Variants in SUMF1 observed in about 807,000 individuals in gnomAD.
The protein encoded by SUMF1 is formylglycine-generating enzyme.
SUMF1 carries 48 observed loss-of-function variants against 47.6 expected under a neutral mutation model. That is an observed-to-expected ratio of 1.01 (90% confidence interval 0.80 to 1.28). The LOEUF (loss-of-function observed/expected upper bound fraction) is 1.28, where lower values mean the gene tolerates loss of function less well. Among genes scored for constraint, SUMF1 ranks in the 50% most tolerant of loss-of-function variants. The pLI is 0.00. For synonymous variants in SUMF1, 230 were observed against 192.1 expected, an observed-to-expected ratio of 1.20 and a Z score of -1.63; for missense variants, 571 against 485.4, an observed-to-expected ratio of 1.18 and a Z score of -1.66.
At chr3:4,166,898 C>A (rs1354521702) in intron 8 of SUMF1, among the ~76,000 whole-genome samples, 2 of 152,128 alleles carry the variant, frequency 1.3e-5, no homozygotes, top group African/African-American at 4.8e-5. Flanking sequence ...GTTAGAGAGC[C>A]CTTTCCCAGA....
At chr3:4,065,983 G>A (rs1157898529) in intron 9 of SUMF1, among the ~76,000 whole-genome samples, 2 of 152,080 alleles carry the variant, frequency 1.3e-5, no homozygotes, top group Admixed American at 6.6e-5. Flanking sequence ...TACTGCTTCT[G>A]CCTCCCTTCC....
At chr3:4,343,496 C>T (rs896136857) in intron 8 of SUMF1, among the ~76,000 whole-genome samples, 1 of 152,118 alleles carries the variant, frequency 6.6e-6, no homozygotes, top group Non-Finnish European at 1.5e-5. Flanking sequence ...AATTAGCATA[C>T]CCCAGGGTTG....
chr3:4,278,028 G>A lies in SUMF1; in HGVS notation c.1014+98302C>T, dbSNP rs561630940. Reference sequence around the variant, plus strand: ...AACTACAAAATGAATTTCTTTTTTCGCTACAACACAAGAGAGGAGTTTGGT... The same window carrying A: ...AACTACAAAATGAATTTCTTTTTTCACTACAACACAAGAGAGGAGTTTGGT... On this transcript the variant is annotated intron_variant and NMD_transcript_variant, in intron 8 of 12. Transcript: ENST00000448413. Among the ~76,000 whole-genome samples the A allele has an allele frequency of 5.2e-4, 79 of 151,816 alleles. No homozygotes were observed. The South Asian group carries it at 0.014, about 27-fold the overall frequency.
At chr3:4,104,317 C>G (rs1693106137) in intron 8 of SUMF1, among the ~76,000 whole-genome samples, 1 of 152,064 alleles carries the variant, frequency 6.6e-6, no homozygotes, top group Admixed American at 6.6e-5. Context: ...TGAGGCCTCC[C>G]CAGTCATGTG....
At chr3:4,289,302 A>G (rs1011516732) in intron 8 of SUMF1, among the ~76,000 whole-genome samples, 2 of 152,208 alleles carry the variant, frequency 1.3e-5, no homozygotes, top group African/African-American at 4.8e-5. Context: ...GCTGACTCCA[A>G]AATAAATCCT....
rs567772018 is a variant in SUMF1 at position 4,157,786 on chromosome 3, C to T, written c.1015-89041G>A. On this transcript the variant is annotated intron_variant and NMD_transcript_variant, in intron 8 of 12. Transcript: ENST00000448413. Reference sequence around the variant, plus strand: ...ACAGACAGGCATCTATTAGTAATTACTTTTATTACAACAGACATAGGCTGT... The same window carrying T: ...ACAGACAGGCATCTATTAGTAATTATTTTTATTACAACAGACATAGGCTGT... 1.2e-3 allele frequency among the ~76,000 whole-genome samples: 175 copies of T among 151,646 alleles called. 11 individuals carry two copies. Among genetic ancestry groups the T allele is most frequent in the African/African-American group, 4.1e-3 (167 of 41,008 alleles).
chr3:4,346,766 T>C (rs921164928), intron 8 of SUMF1, among the ~76,000 whole-genome samples: 1 of 150,740 alleles, frequency 6.6e-6, no homozygotes, highest in African/African-American at 2.4e-5. Context: ...AAAAAATTAA[T>C]AGAAAGATAG....
chr3:4,270,145 C>T (rs993926184), intron 8 of SUMF1, among the ~76,000 whole-genome samples: 16 of 152,136 alleles, frequency 1.1e-4, no homozygotes, highest in South Asian at 2.1e-4. Flanking sequence ...GGGTCAGAGC[C>T]GGACTATCAG....
At chr3:4,433,135 A>T (rs886568722) in intron 3 of SUMF1, among the ~76,000 whole-genome samples, 18 of 152,182 alleles carry the variant, frequency 1.2e-4, no homozygotes, top group Non-Finnish European at 2.1e-4. Flanking sequence ...TCTACTCAAC[A>T]GTTTACCTTT....
intron 8 of SUMF1, among the ~76,000 whole-genome samples, chr3:4,223,048 A>C (rs940705914): frequency 1.1e-4 from 16 of 152,154 alleles, no homozygotes; most frequent in Non-Finnish European, 2.4e-4. Flanking sequence ...TGCTGTTTGC[A>C]TCTTGCACAA....
chr3:4,230,890 TTTTTA>T (rs1259943821), intron 8 of SUMF1, among the ~76,000 whole-genome samples: 1 of 152,086 alleles, frequency 6.6e-6, no homozygotes, highest in African/African-American at 2.4e-5. Flanking sequence ...AAACACATAT[TTTTTA>T]TTTTATCACA....
chr3:4,431,299 T>G (rs1702224875), intron 3 of SUMF1, among the ~76,000 whole-genome samples: 1 of 152,244 alleles, frequency 6.6e-6, no homozygotes. Context: ...ATCCCCATCC[T>G]TCACTAATTT....
At chr3:4,278,357 C>T (rs1202711063) in intron 8 of SUMF1, among the ~76,000 whole-genome samples, 1 of 151,996 alleles carries the variant, frequency 6.6e-6, no homozygotes, top group Non-Finnish European at 1.5e-5. Flanking sequence ...ATAGGACATG[C>T]ATTAATCTCA....
At chr3:4,248,483 G>A (rs982674535) in intron 8 of SUMF1, among the ~76,000 whole-genome samples, 40 of 152,086 alleles carry the variant, frequency 2.6e-4, no homozygotes, top group South Asian at 2.1e-4. Flanking sequence ...TAAAAAGAAC[G>A]GCCCTCAAAA....
chr3:4,091,641 C>T (rs1045780081), intron 8 of SUMF1, among the ~76,000 whole-genome samples: 2 of 152,076 alleles, frequency 1.3e-5, no homozygotes, highest in Non-Finnish European at 2.9e-5. Flanking sequence ...AACAAAAATT[C>T]ATTTTTATTG....
At chr3:4,245,193 T>C (rs896127138) in intron 8 of SUMF1, among the ~76,000 whole-genome samples, 2 of 152,130 alleles carry the variant, frequency 1.3e-5, no homozygotes, top group Non-Finnish European at 1.5e-5. Flanking sequence ...CATCCTCCTT[T>C]AGCTCGGAGA....
intron 8 of SUMF1, among the ~76,000 whole-genome samples, chr3:4,097,967 C>G (rs891788491): frequency 2.6e-5 from 4 of 152,096 alleles, no homozygotes; most frequent in Non-Finnish European, 5.9e-5. Flanking sequence ...TGATCAACAC[C>G]CTGACTACTC....
chr3:4,376,993 G>A (rs150490797), intron 7 of SUMF1, among the ~76,000 whole-genome samples: 14 of 152,076 alleles, frequency 9.2e-5, no homozygotes, highest in Non-Finnish European at 1.6e-4. Context: ...TAGAGACAGG[G>A]TCTCGCTATA....
At chr3:4,194,682 C>T (rs1319164955) in intron 8 of SUMF1, among the ~76,000 whole-genome samples, 1 of 152,148 alleles carries the variant, frequency 6.6e-6, no homozygotes, top group South Asian at 2.1e-4. Flanking sequence ...TTGCCTTGCA[C>T]AGCAAACAGT....
Sources: gnomAD v4.1 joint callset for allele counts (sites outside exome capture counted in the v4.1 genomes callset) on GRCh38, gnomAD v4.1.1 for gene constraint, MANE v1.5 for transcripts, NCBI Gene and HGNC (gene_info 2026-07-23, HGNC 2026-07-21) for gene names.